Variants in PSMA1 observed in about 807,000 individuals in gnomAD.
PSMA1 encodes the protein proteasome subunit alpha type-1.
A neutral mutation model predicts 38.4 loss-of-function variants in PSMA1; 3 were observed. That is an observed-to-expected ratio of 0.08 (90% CI 0.04 to 0.20). PSMA1 has a LOEUF of 0.20. Ranked by LOEUF, PSMA1 falls within the 10% of genes least tolerant of loss-of-function variation. PSMA1 has a pLI of 1.00. For synonymous variants in PSMA1, 101 were observed against 107.1 expected (o/e 0.94, Z 0.35); for missense variants, 227 against 325.3 (o/e 0.70, Z 2.32).
At chr11:14,617,698 T>C (rs541724314) in intron 1 of PSMA1, among the ~76,000 whole-genome samples, 55 of 102,954 alleles carry the variant, frequency 5.3e-4, no homozygotes, top group African/African-American at 2.5e-3. Flanking sequence ...TATATATATA[T>C]GTGTGTGTGT....
chr11:14,520,484 G>C (rs112207420), upstream of PSMA1: 25 of 1,467,312 alleles, frequency 1.7e-5, no homozygotes, highest in South Asian at 4.1e-5. Flanking sequence ...AAAACTTTCC[G>C]ACCGCTCGGC....
chr11:14,584,748 G>T (rs1359818762), intron 2 of PSMA1, among the ~76,000 whole-genome samples: 3 of 152,122 alleles, frequency 2.0e-5, no homozygotes, highest in Non-Finnish European at 4.4e-5. Flanking sequence ...TTTTCCTTTA[G>T]ATCTCACCTG....
rs1467412471 is a variant in PSMA1, at chr11:14,597,338, C to T, written c.21+13628G>A. On this transcript the variant is annotated intron_variant, in intron 2 of 10. Coordinates refer to the PSMA1 transcript ENST00000418988. ...GGAATGGTACCAGCTCTTCCTTGTACCTCTGGTAGAATTCGGTTGTGAATC... is the reference window on the plus strand; with the variant it reads ...GGAATGGTACCAGCTCTTCCTTGTATCTCTGGTAGAATTCGGTTGTGAATC... 3.3e-5 allele frequency among the ~76,000 whole-genome samples: 5 copies of T among 152,154 alleles called. No homozygotes were observed. In the East Asian group the frequency reaches 5.8e-4, roughly 18 times the overall value.
chr11:14,591,050 C>T (rs760617934), intron 2 of PSMA1, among the ~76,000 whole-genome samples: 7 of 152,230 alleles, frequency 4.6e-5, no homozygotes, highest in Non-Finnish European at 1.0e-4. Context: ...GCTCCCTCAG[C>T]TTGCAGTGGA....
At chr11:14,612,177 T>C (rs1230113226) in intron 1 of PSMA1, among the ~76,000 whole-genome samples, 1 of 152,224 alleles carries the variant, frequency 6.6e-6, no homozygotes, top group African/African-American at 2.4e-5. Flanking sequence ...GAAGTTTTAT[T>C]ATGAAACTTA....
rs112525777 is a variant in PSMA1 at position 14,528,531 on chromosome 11, G to A, written c.22-9490C>T. On this transcript the variant is annotated intron_variant, in intron 2 of 10. Transcript: ENST00000418988. ...GCTTGAATCAGCCCTAAGAAACATC[G>A]CCCATTATCTCTCCATACCACCCCC... Among the ~76,000 whole-genome samples the A allele has an allele frequency of 6.9e-3, 1,044 of 151,802 alleles. 16 individuals are homozygous for A. The highest frequency in any genetic ancestry group is 0.024 in the African/African-American group (1,003 of 41,400).
upstream of PSMA1, among the ~76,000 whole-genome samples, chr11:14,523,250 A>G (rs2134154802): frequency 6.6e-6 from 1 of 152,286 alleles, no homozygotes; most frequent in East Asian, 1.9e-4. Flanking sequence ...GGCTCAAGAT[A>G]CATCGTTAAA....
chr11:14,565,736 G>T (rs1260268219), intron 2 of PSMA1, among the ~76,000 whole-genome samples: 1 of 152,216 alleles, frequency 6.6e-6, no homozygotes. Context: ...TAAGCAATAA[G>T]TAGTAAGCAA....
At chr11:14,591,017 T>A (rs577185477) in intron 2 of PSMA1, among the ~76,000 whole-genome samples, 4 of 152,206 alleles carry the variant, frequency 2.6e-5, no homozygotes, top group Non-Finnish European at 5.9e-5. Context: ...AGCCCCTTTC[T>A]GGGCTGGGCA....
chr11:14,592,401 T>A (rs1360380680), intron 2 of PSMA1, among the ~76,000 whole-genome samples: 1 of 150,966 alleles, frequency 6.6e-6, no homozygotes, highest in Non-Finnish European at 1.5e-5. Context: ...TATATTTTTT[T>A]TTTAGATGGA....
At chr11:14,509,138 G>C (rs1851298793) in intron 8 of PSMA1, among the ~76,000 whole-genome samples, 1 of 152,072 alleles carries the variant, frequency 6.6e-6, no homozygotes, top group Admixed American at 6.6e-5. Flanking sequence ...CCGTCAATTA[G>C]ACAAAAAGGC....
chr11:14,537,275 G>T lies in PSMA1; in HGVS notation c.22-18234C>A, dbSNP rs138994112. 4.6e-3 allele frequency among the ~76,000 whole-genome samples: 694 copies of T among 152,196 alleles called. 3 individuals carry two copies. The highest frequency in any genetic ancestry group is 0.018 in the South Asian group (85 of 4,816). ...TTAGAAAAAACAATTCTTCCTCCCT[G>T]ACCCCACCACCCTCGCCCAGAAAAA... On this transcript the variant is annotated intron_variant, in intron 2 of 10. Transcript: ENST00000418988.
At chr11:14,557,043 C>T (rs1458745691) in intron 2 of PSMA1, among the ~76,000 whole-genome samples, 1 of 152,110 alleles carries the variant, frequency 6.6e-6, no homozygotes, top group African/African-American at 2.4e-5. Flanking sequence ...CTGTGTTGCC[C>T]AGACCAGTCT....
At chr11:14,585,533 C>A (rs1852334308) in intron 2 of PSMA1, among the ~76,000 whole-genome samples, 1 of 152,152 alleles carries the variant, frequency 6.6e-6, no homozygotes, top group African/African-American at 2.4e-5. Context: ...AGAACCCTAG[C>A]TAAGCCTATG....
chr11:14,565,402 T>C (rs904840113), intron 2 of PSMA1, among the ~76,000 whole-genome samples: 1 of 152,228 alleles, frequency 6.6e-6, no homozygotes, highest in Non-Finnish European at 1.5e-5. Context: ...TTCTGCCCTT[T>C]GTTATATTTC....
chr11:14,556,067 C>A (rs1378955524), intron 2 of PSMA1, among the ~76,000 whole-genome samples: 1 of 152,104 alleles, frequency 6.6e-6, no homozygotes, highest in Non-Finnish European at 1.5e-5. Context: ...TTTGAGATGC[C>A]CCCTTTTCAT....
chr11:14,532,487 C>T (rs989019535), intron 2 of PSMA1, among the ~76,000 whole-genome samples: 1 of 152,078 alleles, frequency 6.6e-6, no homozygotes, highest in Non-Finnish European at 1.5e-5. Context: ...TGCCTGTAGT[C>T]CCAGCTACTC....
chr11:14,588,507 G>A (rs1420906959), intron 2 of PSMA1, among the ~76,000 whole-genome samples: 1 of 152,068 alleles, frequency 6.6e-6, no homozygotes, highest in African/African-American at 2.4e-5. Flanking sequence ...TGTAACTTAA[G>A]AAAGAAAAAA....
chr11:14,565,755 T>C (rs1852062740), intron 2 of PSMA1, among the ~76,000 whole-genome samples: 2 of 152,188 alleles, frequency 1.3e-5, no homozygotes, highest in African/African-American at 2.4e-5. Context: ...AAAATGTATA[T>C]AATATGTTAG....
Sources: allele counts gnomAD v4.1 joint callset (sites outside exome capture counted in the v4.1 genomes callset), GRCh38; gene constraint gnomAD v4.1.1; transcripts MANE v1.5; gene names NCBI Gene and HGNC (gene_info 2026-07-23, HGNC 2026-07-21).